MAEL: variants seen among roughly 807,000 people sequenced by gnomAD.
MAEL encodes protein maelstrom homolog.
Under a neutral mutation model 62.0 loss-of-function variants are expected in MAEL, and 46 were observed. The ratio of observed to expected loss-of-function variants is 0.74; its 90% CI spans 0.59 to 0.95. MAEL has a LOEUF of 0.95. Among genes scored for constraint, MAEL ranks in the 40% least tolerant of loss-of-function variants. The pLI is 0.00. For missense variants in MAEL, 497 were observed against 526.8 expected (o/e 0.94, Z 0.55); for synonymous variants, 172 against 175.5 (o/e 0.98, Z 0.16).
At chr1:166,987,552 A>G (rs1663962787), upstream of MAEL, among the ~76,000 whole-genome samples, 2 of 152,210 alleles carry the variant, frequency 1.3e-5, no homozygotes, top group African/African-American at 4.8e-5. Flanking sequence ...TCCTATGATA[A>G]GTATAAGAAA....
upstream of MAEL, among the ~76,000 whole-genome samples, chr1:166,987,820 TACC>T (rs1227956407): frequency 7.2e-5 from 11 of 152,300 alleles, no homozygotes; most frequent in African/African-American, 2.4e-4. Context: ...TAATAAGCTC[TACC>T]AACCTGTCAA....
chr1:166,983,442 T>C (rs1052390091), intron 1 of MAEL, among the ~76,000 whole-genome samples: 3 of 152,216 alleles, frequency 2.0e-5, no homozygotes, highest in Non-Finnish European at 4.4e-5. Context: ...ACCATCTTTA[T>C]GTGGCTTACT....
At chr1:167,003,436 A>G (rs1263021434) in intron 5 of MAEL, among the ~76,000 whole-genome samples, 2 of 152,160 alleles carry the variant, frequency 1.3e-5, no homozygotes, top group Non-Finnish European at 2.9e-5. Context: ...ATTTGGTGGA[A>G]GTAATGATTT....
intron 5 of MAEL, among the ~76,000 whole-genome samples, chr1:166,995,466 C>G (rs1047677363): frequency 5.3e-5 from 8 of 151,866 alleles, no homozygotes; most frequent in Middle Eastern, 3.2e-3. Context: ...CTCAAAACTC[C>G]TGACCTCAGG....
intron 8 of MAEL, among the ~76,000 whole-genome samples, chr1:167,015,933 A>G (rs1665370741): frequency 6.6e-6 from 1 of 152,174 alleles, no homozygotes; most frequent in African/African-American, 2.4e-5. Context: ...TGTACATTGA[A>G]TAAATGTTTG....
intron 8 of MAEL, among the ~76,000 whole-genome samples, chr1:167,006,594 T>A (rs1019296372): frequency 1.6e-5 from 2 of 125,860 alleles, no homozygotes; most frequent in African/African-American, 3.1e-5. Flanking sequence ...AAGTTACTGG[T>A]TTTTTACTAT....
intron 1 of MAEL, among the ~76,000 whole-genome samples, chr1:166,976,047 G>C (rs1344714490): frequency 6.6e-6 from 1 of 152,196 alleles, no homozygotes; most frequent in Non-Finnish European, 1.5e-5. Flanking sequence ...CAGGCAAGAG[G>C]CTCCGCAGAA....
At chr1:166,999,358 T>C (rs1174797503) in intron 5 of MAEL, among the ~76,000 whole-genome samples, 1 of 152,248 alleles carries the variant, frequency 6.6e-6, no homozygotes, top group Admixed American at 6.5e-5. Context: ...AAGAAAGTTT[T>C]AGTGGTCAGA....
rs774806584 is a variant in MAEL, at chr1:166,992,704, T to G, written c.344T>G (p.Phe115Cys). ...KGDQALLGGI[F>C]YFLNIFSHGE... ...TTTTTAGCTCTCCTTGGAGGCATTT[T>G]TTATTTTTTGAACATTTTTAGCCAT... The change falls in exon 4 of 12, where the codon TTT becomes TGT. Residue 115 changes from phenylalanine (F) to cysteine (C), a missense_variant. Physicochemically the swap from Phe to Cys is radical, Grantham distance 205. Transcript: ENST00000367872. 1.9e-6 allele frequency: 3 copies of G among 1,591,600 alleles called. No individual in the cohort carries two copies. Among genetic ancestry groups the G allele is most frequent in the African/African-American group, 1.4e-5 (1 of 73,252 alleles).
chr1:166,978,840 A>G (rs1422296478), intron 1 of MAEL, among the ~76,000 whole-genome samples: 3 of 152,224 alleles, frequency 2.0e-5, no homozygotes, highest in Non-Finnish European at 4.4e-5. Context: ...TGGCTCTGCA[A>G]TACTTCAAAC....
At chr1:166,977,212 C>T (rs565744177) in intron 1 of MAEL, among the ~76,000 whole-genome samples, 8 of 152,336 alleles carry the variant, frequency 5.3e-5, no homozygotes, top group Admixed American at 5.2e-4. Flanking sequence ...TTCTTTGAGC[C>T]ACCCAATATC....
chr1:166,982,748 TC>T (rs1162770121), intron 1 of MAEL, among the ~76,000 whole-genome samples: 2 of 152,146 alleles, frequency 1.3e-5, no homozygotes, highest in Non-Finnish European at 2.9e-5. Flanking sequence ...GCCCTGTAAA[TC>T]CTGTATGATC....
In MAEL at chr1:166,992,729, T is replaced by C. The variant is rs149991521; in HGVS notation, c.369T>C (p.His123=). 1,477 of 1,606,620 alleles carry C rather than the reference T, an allele frequency of 9.2e-4. 1 individual carries two copies. Among genetic ancestry groups the C allele is most frequent in the Non-Finnish European group, 1.2e-3 (1,415 of 1,177,806 alleles). ...GIFYFLNIFS[H]GELPPHCEQR... ...TTTATTTTTTGAACATTTTTAGCCA[T>C]GGCGAGCTACCTCCTCATTGTGAAC... The change falls in exon 4 of 12, where the codon CAT becomes CAC. Residue 123 remains histidine, a synonymous_variant. Coordinates refer to ENST00000367872, the MANE Select transcript of MAEL (RefSeq NM_032858.3).
chr1:167,004,437 T>C (rs938222873), intron 6 of MAEL, 133 bp downstream of exon 6: 2 of 785,234 alleles, frequency 2.5e-6, no homozygotes, highest in East Asian at 3.0e-5. Context: ...TTGAATTGTT[T>C]TGAATGTAAT....
intron 5 of MAEL, among the ~76,000 whole-genome samples, chr1:166,998,640 C>T (rs1334542290): frequency 2.0e-5 from 3 of 152,200 alleles, no homozygotes; most frequent in East Asian, 1.9e-4. Flanking sequence ...CTCCCCACCC[C>T]CGTTTTTGGT....
chr1:167,002,549 T>C (rs1400905945), intron 5 of MAEL, among the ~76,000 whole-genome samples: 1 of 152,202 alleles, frequency 6.6e-6, no homozygotes, highest in Non-Finnish European at 1.5e-5. Context: ...AAAGAAGATT[T>C]ATGATTGTGT....
In MAEL at chr1:166,989,457, C is replaced by T; in HGVS notation, c.105C>T (p.Ala35=). The change falls in exon 1 of 12, where the codon GCC becomes GCT. Residue 35 remains alanine (A), a synonymous_variant. Transcript: ENST00000367872. ...TGCCTGTGGCTCGCGTTGCTGATGC[C>T]ATCCCTTACTGCTCCTCAGACTGGG... The part of the protein sequence containing the change: ...RGLPVARVAD[A]IPYCSSDWAL... The T allele has an allele frequency of 6.3e-7, 1 of 1,588,134 alleles. No individual in the cohort carries two copies. Among genetic ancestry groups the T allele is most frequent in the Middle Eastern group, 1.7e-4 (1 of 6,034 alleles).
chr1:166,988,938 T>C (rs1323351427), upstream of MAEL, among the ~76,000 whole-genome samples: 2 of 152,206 alleles, frequency 1.3e-5, no homozygotes, highest in Non-Finnish European at 2.9e-5. Flanking sequence ...TCAACACTTT[T>C]CACAGTGCTT....
intron 3 of MAEL, among the ~76,000 whole-genome samples, chr1:166,992,027 G>C (rs72689323): frequency 0.011 from 1,735 of 152,206 alleles, 19 homozygotes; most frequent in Non-Finnish European, 0.017. Flanking sequence ...AATCCTGGGT[G>C]GTGGAGGGGG....
Sources: gnomAD v4.1 joint callset for allele counts (sites outside exome capture counted in the v4.1 genomes callset) on GRCh38, gnomAD v4.1.1 for gene constraint, MANE v1.5 for transcripts, NCBI Gene and HGNC (gene_info 2026-07-23, HGNC 2026-07-21) for gene names.